Variants in PDE1A observed in about 807,000 individuals in gnomAD.
PDE1A encodes the protein dual specificity calcium/calmodulin-dependent 3',5'-cyclic nucleotide phosphodiesterase 1A.
PDE1A carries 35 observed loss-of-function variants against 61.7 expected under a neutral mutation model. The ratio of observed to expected loss-of-function variants is 0.57; its 90% CI spans 0.43 to 0.75. The LOEUF (loss-of-function observed/expected upper bound fraction) is 0.75. Ranked by LOEUF, PDE1A falls within the 30% of genes least tolerant of loss-of-function variation. The probability of loss-of-function intolerance (pLI) is 0.00; values close to 1 mark genes in which losing one functional copy is unlikely to be tolerated. For synonymous variants in PDE1A, 232 were observed against 213.2 expected (o/e 1.09, Z -0.77); for missense variants, 597 against 630.6 (o/e 0.95, Z 0.57).
chr2:182,647,813 A>C, the PDE1A span, among the ~76,000 whole-genome samples: 4 of 152,204 alleles, frequency 2.6e-5, no homozygotes, highest in Non-Finnish European at 2.9e-5. Context: ...CGAAACCCAA[A>C]TTACACAGTG....
the PDE1A span, among the ~76,000 whole-genome samples, chr2:182,580,398 A>G: frequency 2.1e-4 from 32 of 152,236 alleles, no homozygotes; most frequent in Admixed American, 1.8e-3. Flanking sequence ...GAGTCTTTAC[A>G]CGGTCTGCCT....
intron 13 of PDE1A, among the ~76,000 whole-genome samples, chr2:182,158,114 C>T (rs1466468385): frequency 6.6e-6 from 1 of 152,166 alleles, no homozygotes; most frequent in African/African-American, 2.4e-5. Context: ...GCTTCATCTA[C>T]TTAGAGTTTG....
At position 182,298,773 on chromosome 2, in the gene PDE1A, A is replaced by G. The variant is rs148667697; in HGVS notation, c.54-34359T>C. Among the ~76,000 whole-genome samples the G allele has an allele frequency of 4.6e-5, 7 of 152,248 alleles. No homozygotes were observed. In the East Asian group the frequency reaches 1.4e-3, roughly 29 times the overall value. On this transcript the variant is annotated intron_variant, in intron 1 of 13. Coordinates refer to ENST00000351439, the Ensembl canonical transcript of PDE1A. ...TTATTAACCTAATTAACCACAGGAT[A>G]TCAATATTATATATTAGCAAAAACC...
intron 2 of PDE1A, among the ~76,000 whole-genome samples, chr2:182,510,703 T>C (rs934999433): frequency 6.6e-6 from 1 of 152,212 alleles, no homozygotes; most frequent in East Asian, 1.9e-4. Context: ...AACATGATTA[T>C]AGAGACCTAA....
At chr2:182,195,132 C>T (rs2125441423) in intron 10 of PDE1A, among the ~76,000 whole-genome samples, 1 of 152,160 alleles carries the variant, frequency 6.6e-6, no homozygotes, top group African/African-American at 2.4e-5. Flanking sequence ...TGGAAATGTG[C>T]TTTTAAATTG....
At chr2:182,675,206 C>A in the PDE1A span, among the ~76,000 whole-genome samples, 1 of 152,014 alleles carries the variant, frequency 6.6e-6, no homozygotes, top group Non-Finnish European at 1.5e-5. Flanking sequence ...GAACATGAAG[C>A]ATTTGGTTTT....
At chr2:182,159,525 T>C (rs1435261189) in intron 13 of PDE1A, among the ~76,000 whole-genome samples, 3 of 152,236 alleles carry the variant, frequency 2.0e-5, no homozygotes, top group Non-Finnish European at 4.4e-5. Context: ...GACAGCGCCA[T>C]TGCATGTTTT....
At chr2:182,154,523 A>G (rs1208520187) in intron 13 of PDE1A, among the ~76,000 whole-genome samples, 1 of 152,172 alleles carries the variant, frequency 6.6e-6, no homozygotes, top group African/African-American at 2.4e-5. Context: ...AGATAATTGA[A>G]TCATGGGGGC....
chr2:182,635,123 G>A, the PDE1A span, among the ~76,000 whole-genome samples: 351 of 89,578 alleles, frequency 3.9e-3, 3 homozygotes, highest in African/African-American at 0.012. Flanking sequence ...CATTGTAAAT[G>A]GAAAAAAAAA....
the PDE1A span, among the ~76,000 whole-genome samples, chr2:182,589,945 T>TAGGATGTCC: frequency 6.6e-6 from 1 of 152,144 alleles, no homozygotes; most frequent in South Asian, 2.1e-4. Context: ...CTAACCACGC[T>TAGGATGTCC]ATTAGCTTTT....
chr2:182,546,503 C>G, the PDE1A span, among the ~76,000 whole-genome samples: 87 of 152,250 alleles, frequency 5.7e-4, no homozygotes, highest in African/African-American at 2.0e-3. Context: ...TGTGAGGAAG[C>G]AACAACTGGG....
At chr2:182,288,075 GAC>G (rs1694284582) in intron 1 of PDE1A, among the ~76,000 whole-genome samples, 1 of 152,050 alleles carries the variant, frequency 6.6e-6, no homozygotes, top group Non-Finnish European at 1.5e-5. Flanking sequence ...AACAATGAAA[GAC>G]ATTTATTAAC....
chr2:182,426,452 A>C, intron 1 of PDE1A, 126 bp downstream of exon 1: 1 of 666,518 alleles, frequency 1.5e-6, no homozygotes, highest in Non-Finnish European at 2.7e-6. Flanking sequence ...GTATGCCTGA[A>C]GTTAAACTTT....
chr2:182,420,656 T>C (rs548892796), intron 1 of PDE1A, among the ~76,000 whole-genome samples: 7 of 152,278 alleles, frequency 4.6e-5, no homozygotes, highest in African/African-American at 1.4e-4. Context: ...TCAAAAATAA[T>C]ATCCTAAAAT....
In PDE1A at chr2:182,229,995, G is replaced by A. The variant is rs570244065; in HGVS notation, c.675+11C>T. The A allele has an allele frequency of 4.4e-6, 7 of 1,597,668 alleles. No homozygotes were observed. The highest frequency in any genetic ancestry group is 2.7e-5 in the African/African-American group (2 of 74,556). On this transcript the variant is annotated intron_variant, in intron 6 of 13. Transcript: ENST00000351439. Reference sequence around the variant, plus strand: ...CAAACTAACAAACCTCAGTTACAAAGACTGTCTTACCATGATACCTGTATG... The same window carrying A: ...CAAACTAACAAACCTCAGTTACAAAAACTGTCTTACCATGATACCTGTATG...
the PDE1A span, among the ~76,000 whole-genome samples, chr2:182,686,626 T>C: frequency 6.6e-6 from 1 of 152,236 alleles, no homozygotes; most frequent in African/African-American, 2.4e-5. Flanking sequence ...AGGTGATTTC[T>C]GCATTTCCAA....
At chr2:182,555,965 C>CAAAAAAAAAAAAAAA in the PDE1A span, among the ~76,000 whole-genome samples, 3 of 48,420 alleles carry the variant, frequency 6.2e-5, no homozygotes, top group African/African-American at 2.1e-4. Flanking sequence ...AACTCCATCT[C>CAAAAAAAAAAAAAAA]AAAAAAAAAA....
chr2:182,563,940 G>A, the PDE1A span, among the ~76,000 whole-genome samples: 8 of 152,126 alleles, frequency 5.3e-5, no homozygotes, highest in East Asian at 1.4e-3. Context: ...TTTTGAGCCT[G>A]TGTGTGTCTC....
chr2:182,481,030 T>C (rs573064485), intron 2 of PDE1A, among the ~76,000 whole-genome samples: 1 of 152,056 alleles, frequency 6.6e-6, no homozygotes, highest in Non-Finnish European at 1.5e-5. Context: ...CCTTCCATTC[T>C]TGCACTTCGA....
Sources: allele counts gnomAD v4.1 joint callset (sites outside exome capture counted in the v4.1 genomes callset), GRCh38; gene constraint gnomAD v4.1.1; transcripts MANE v1.5; gene names NCBI Gene and HGNC (gene_info 2026-07-23, HGNC 2026-07-21).